Variants in ZNF468 observed in about 807,000 individuals in gnomAD.
ZNF468 encodes the protein zinc finger protein 468.
A neutral mutation model predicts 7.2 loss-of-function variants in ZNF468; 8 were observed. The observed-to-expected ratio is 1.11, with a 90% CI of 0.65 to 2.01. ZNF468 has a LOEUF of 2.01. Ranked by LOEUF, ZNF468 falls within the 30% of genes most tolerant of loss-of-function variation. ZNF468 has a pLI of 0.00. For missense variants in ZNF468, 608 were observed against 626.5 expected, an observed-to-expected ratio of 0.97 and a Z score of 0.31; for synonymous variants, 218 against 214.4, an observed-to-expected ratio of 1.02 and a Z score of -0.15.
At chr19:52,846,908 C>G (rs1306157350) in intron 3 of ZNF468, among the ~76,000 whole-genome samples, 1 of 151,930 alleles carries the variant, frequency 6.6e-6, no homozygotes, top group Non-Finnish European at 1.5e-5. Flanking sequence ...ATCTGGGGAA[C>G]AAGAATCCTT....
At chr19:52,844,484 T>A (rs1316206685) in intron 3 of ZNF468, among the ~76,000 whole-genome samples, 3 of 152,150 alleles carry the variant, frequency 2.0e-5, no homozygotes, top group African/African-American at 7.2e-5. Flanking sequence ...GTTTTTGAGA[T>A]GGAGTCACGC....
chr19:52,849,913 A>G (rs1394748468), intron 2 of ZNF468, among the ~76,000 whole-genome samples: 1 of 152,078 alleles, frequency 6.6e-6, no homozygotes, highest in Non-Finnish European at 1.5e-5. Context: ...AAAATAAAAT[A>G]AAATAAATGA....
Position 52,839,276 on chromosome 19 carries a change from T to C in ZNF468, c.*1449A>G, listed in dbSNP as rs1035092049. 1 of 167,714 alleles carries C rather than the reference T, an allele frequency of 6.0e-6. No homozygotes were observed. The highest frequency in any genetic ancestry group is 2.4e-5 in the African/African-American group (1 of 41,416). The allele number at this position is 167,714 out of a possible 1,614,324, so 10.4% of individuals were successfully genotyped here. ...CAAAAAAAAAACAAGAAAAAGAAAATAAAGGCTGGGAAAAGTAGCTCCCAT... is the reference window on the plus strand; with the variant it reads ...CAAAAAAAAAACAAGAAAAAGAAAACAAAGGCTGGGAAAAGTAGCTCCCAT... On this transcript the variant is annotated 3_prime_UTR_variant, in exon 4 of 4. Coordinates refer to ENST00000595646, the MANE Select transcript of ZNF468 (RefSeq NM_001008801.2).
chr19:52,846,198 A>T lies in ZNF468; in HGVS notation c.142+2889T>A, dbSNP rs540982160. Among the ~76,000 whole-genome samples the T allele has an allele frequency of 3.3e-5, 5 of 152,200 alleles. No individual in the cohort carries two copies. In the South Asian group the frequency reaches 8.3e-4, roughly 25 times the overall value. On this transcript the variant is annotated intron_variant, in intron 3 of 3. Transcript: ENST00000595646. The stretch of plus-strand genomic sequence containing the variant: ...AAATAAAAAAATTCTAGTGGAGAAG[A>T]AGTAGTTTTTGCAGGTTATGGATTT...
chr19:52,839,855 A>G lies in ZNF468; in HGVS notation c.*870T>C. ...ATGAACGATGTCTGAAAAATTTGCCACATTTATTACACTTGTAAGATCTCT... is the reference window on the plus strand; with the variant it reads ...ATGAACGATGTCTGAAAAATTTGCCGCATTTATTACACTTGTAAGATCTCT... On this transcript the variant is annotated 3_prime_UTR_variant, in exon 4 of 4. Coordinates refer to ENST00000595646, the MANE Select transcript of ZNF468 (RefSeq NM_001008801.2). 2 of 672,256 alleles carry G rather than the reference A, an allele frequency of 3.0e-6. No individual in the cohort carries two copies. 41.6% of individuals were successfully genotyped at this position (672,256 alleles called of 1,614,324 possible).
intron 3 of ZNF468, among the ~76,000 whole-genome samples, chr19:52,843,497 T>C (rs1373662418): frequency 6.6e-6 from 1 of 152,118 alleles, no homozygotes; most frequent in African/African-American, 2.4e-5. Flanking sequence ...CCTCCAAAAG[T>C]CCTGGGATTA....
At chr19:52,847,874 G>A (rs769853380) in intron 3 of ZNF468, among the ~76,000 whole-genome samples, 17 of 152,128 alleles carry the variant, frequency 1.1e-4, no homozygotes, top group Non-Finnish European at 1.9e-4. Flanking sequence ...TAAATACTGA[G>A]GGAACTCAAG....
chr19:52,854,738 A>C (rs1165166028), intron 1 of ZNF468, among the ~76,000 whole-genome samples: 1 of 151,982 alleles, frequency 6.6e-6, no homozygotes, highest in Non-Finnish European at 1.5e-5. Flanking sequence ...AAAATACAAA[A>C]ATTGGGCCGG....
At chr19:52,845,555 A>G (rs887930497) in intron 3 of ZNF468, among the ~76,000 whole-genome samples, 3 of 152,114 alleles carry the variant, frequency 2.0e-5, no homozygotes, top group African/African-American at 7.2e-5. Context: ...GCTACTGGAG[A>G]GGCTGAGGAA....
At chr19:52,852,672 T>C (rs1255501790) in intron 2 of ZNF468, among the ~76,000 whole-genome samples, 1 of 151,496 alleles carries the variant, frequency 6.6e-6, no homozygotes, top group African/African-American at 2.4e-5. Context: ...TGAGACTCCA[T>C]CTCAAAAAAA....
intron 1 of ZNF468, among the ~76,000 whole-genome samples, chr19:52,855,494 G>C (rs2063429358): frequency 6.6e-6 from 1 of 152,262 alleles, no homozygotes; most frequent in African/African-American, 2.4e-5. Context: ...CAGGGACCCT[G>C]AACACAGGGC....
chr19:52,841,984 C>A lies in ZNF468; in HGVS notation c.310G>T (p.Asp104Tyr). The A allele has an allele frequency of 6.2e-7, 1 of 1,613,900 alleles. No homozygotes were observed. Among genetic ancestry groups the A allele is most frequent in the Non-Finnish European group, 8.5e-7 (1 of 1,179,906 alleles). The change falls in exon 4 of 4, where the codon GAT becomes TAT. Residue 104 changes from aspartate to tyrosine, a missense_variant. Transcript: ENST00000595646. The stretch of plus-strand genomic sequence containing the variant: ...GGTGCTGCATGGCCATTTGTTTCAT[C>A]TTCTTTCCACTGAAACTCGAAGCCA... ...IHGFEFQWKE[D>Y]ETNGHAAPMT...
chr19:52,840,949 G>A lies in ZNF468; in HGVS notation c.1345C>T (p.Gln449Ter). Reference protein sequence around the residue: ...YKCKVCDKAFQRDSHLAQHQR... With the variant: ...YKCKVCDKAF ...TGTTGTGCCAGGTGTGAATCCCTCT[G>A]GAAAGCCTTGTCACAAACCTTACAT... Residue 449 changes from glutamine to a stop codon, truncating the protein, a stop_gained, in exon 4 of 4, where the codon CAG becomes TAG. Transcript: ENST00000595646. LOFTEE classifies it low-confidence loss of function (END_TRUNC). The A allele has an allele frequency of 6.2e-7, 1 of 1,613,524 alleles. No individual in the cohort carries two copies. The highest frequency in any genetic ancestry group is 8.5e-7 in the Non-Finnish European group (1 of 1,179,846).
intron 3 of ZNF468, 45 bp downstream of exon 3, chr19:52,849,042 C>CA: frequency 6.2e-7 from 1 of 1,603,652 alleles, no homozygotes; most frequent in Non-Finnish European, 8.5e-7. Context: ...AGAGAAAATG[C>CA]AAAAATACAC....
rs1043239038 is a variant in ZNF468 at position 52,843,937 on chromosome 19, T to A, written c.143-1786A>T. 3.3e-5 allele frequency among the ~76,000 whole-genome samples: 5 copies of A among 152,006 alleles called. No homozygotes were observed. The South Asian group carries it at 1.0e-3, about 32-fold the overall frequency. On this transcript the variant is annotated intron_variant, in intron 3 of 3. Transcript: ENST00000595646. The stretch of plus-strand genomic sequence containing the variant: ...GAGTTGAAGACCAGCCTGGACAACA[T>A]GGCGACACACCATCTCTACTAAAAC...
At chr19:52,854,426 C>A (rs1333737199) in intron 1 of ZNF468, 81 bp from the exon 2 acceptor site, 1 of 1,390,838 alleles carries the variant, frequency 7.2e-7, no homozygotes, top group Non-Finnish European at 9.8e-7. Context: ...CATAGGAGAC[C>A]TCACCCTGGG....
At position 52,850,779 on chromosome 19, in the gene ZNF468, G is replaced by A. The variant is rs28487580; in HGVS notation, c.16-1566C>T. Among the ~76,000 whole-genome samples the A allele has an allele frequency of 4.7e-3, 719 of 151,794 alleles. 6 individuals are homozygous for A. The highest frequency in any genetic ancestry group is 0.016 in the African/African-American group (682 of 41,378). On this transcript the variant is annotated intron_variant, in intron 2 of 3. Coordinates refer to ENST00000595646, the MANE Select transcript of ZNF468 (RefSeq NM_001008801.2). ...CCGGGCGTGGTGGCGGGCGCCTGTA[G>A]TCCCAGCTACTCGGGAGGCTGAGGC...
At chr19:52,851,118 CA>C (rs971335259) in intron 2 of ZNF468, among the ~76,000 whole-genome samples, 1 of 151,378 alleles carries the variant, frequency 6.6e-6, no homozygotes. Flanking sequence ...TCTAAAAATA[CA>C]AAAAAAATTA....
At chr19:52,855,651 T>C (rs1220929128) in intron 1 of ZNF468, among the ~76,000 whole-genome samples, 3 of 152,024 alleles carry the variant, frequency 2.0e-5, no homozygotes, top group Admixed American at 6.5e-5. Flanking sequence ...TCCTCTCTGT[T>C]TCTGAGTCTA....
Sources: allele counts gnomAD v4.1 joint callset (sites outside exome capture counted in the v4.1 genomes callset), GRCh38; gene constraint gnomAD v4.1.1; transcripts MANE v1.5; gene names NCBI Gene and HGNC (gene_info 2026-07-23, HGNC 2026-07-21).